The following SPATA6 variants were observed in gnomAD, a reference collection of about 807,000 sequenced individuals.
The protein encoded by SPATA6 is spermatogenesis-associated protein 6.
SPATA6 carries 56 observed loss-of-function variants against 65.3 expected under a neutral mutation model. The observed-to-expected ratio is 0.86, with a 90% confidence interval of 0.69 to 1.07. SPATA6 has a LOEUF of 1.07. Among genes scored for constraint, SPATA6 ranks in the 50% least tolerant of loss-of-function variants. The pLI is 0.00. For synonymous variants in SPATA6, 199 were observed against 213.2 expected (o/e 0.93, Z 0.58); for missense variants, 590 against 594.8 (o/e 0.99, Z 0.08).
Position 48,397,633 on chromosome 1 carries a change from G to A in SPATA6, c.780+1718C>T, listed in dbSNP as rs570028110. On this transcript the variant is annotated intron_variant, in intron 7 of 12. Transcript: ENST00000371847. ...TACATTTTGCATATGCATGTATTAA[G>A]TTAAAACTGTGTTTGGTTACCTATT... Among the ~76,000 whole-genome samples, 15 of 151,722 alleles carry A rather than the reference G, an allele frequency of 9.9e-5. No individual in the cohort carries two copies. In the South Asian group the frequency reaches 1.7e-3, roughly 17 times the overall value.
chr1:48,371,471 T>C (rs1647279957), intron 9 of SPATA6, among the ~76,000 whole-genome samples: 1 of 152,222 alleles, frequency 6.6e-6, no homozygotes, highest in Admixed American at 6.5e-5. Context: ...GAATACACAC[T>C]ACATTAGTCT....
At chr1:48,364,363 T>G (rs920697850) in intron 9 of SPATA6, among the ~76,000 whole-genome samples, 3 of 152,228 alleles carry the variant, frequency 2.0e-5, no homozygotes, top group African/African-American at 7.2e-5. Context: ...TCTAGATCCC[T>G]GAGGAATCGC....
rs557301304 is a variant in SPATA6 at position 48,330,010 on chromosome 1, G to C, written c.1195-24132C>G. ...AAGCCTTGGGCCCTGGAGCAGACCA[G>C]CACCAGTACCACAAACCCAATAGAG... On this transcript the variant is annotated intron_variant, in intron 11 of 12. Coordinates refer to ENST00000371847, the MANE Select transcript of SPATA6 (RefSeq NM_019073.4). Among the ~76,000 whole-genome samples the C allele has an allele frequency of 7.9e-4, 121 of 152,358 alleles. 1 individual carries two copies. Among genetic ancestry groups the C allele is most frequent in the African/African-American group, 2.8e-3 (118 of 41,572 alleles).
the SPATA6 span, among the ~76,000 whole-genome samples, chr1:48,277,617 A>G: frequency 6.6e-6 from 1 of 152,236 alleles, no homozygotes; most frequent in Non-Finnish European, 1.5e-5. Flanking sequence ...GGTGGCAGCC[A>G]GGCTGGGGGA....
intron 3 of SPATA6, 39 bp from the exon 4 acceptor site, chr1:48,413,190 T>A: frequency 8.1e-7 from 1 of 1,229,210 alleles, no homozygotes. Flanking sequence ...ATAAACAAAT[T>A]AATAACAAAA....
chr1:48,282,506 C>G, the SPATA6 span, among the ~76,000 whole-genome samples: 1 of 152,070 alleles, frequency 6.6e-6, no homozygotes. Flanking sequence ...ACAAACAACC[C>G]CATCAAAAAT....
intron 11 of SPATA6, among the ~76,000 whole-genome samples, chr1:48,354,397 T>C (rs1427728740): frequency 2.6e-5 from 4 of 152,040 alleles, no homozygotes; most frequent in African/African-American, 9.7e-5. Context: ...CATACCCAAA[T>C]AAAATGTATG....
At chr1:48,285,904 C>G in the SPATA6 span, among the ~76,000 whole-genome samples, 3 of 152,288 alleles carry the variant, frequency 2.0e-5, no homozygotes, top group East Asian at 3.9e-4. Flanking sequence ...CAGCCACCCC[C>G]CAACATCTTT....
rs376754470 is a variant in SPATA6 at position 48,377,270 on chromosome 1, A to G, written c.909+8039T>C. ...TTCATTTGCTCCCATTGTACTTAGGATAATTACCAAAATCTCCAATATGTC... is the reference window on the plus strand; with the variant it reads ...TTCATTTGCTCCCATTGTACTTAGGGTAATTACCAAAATCTCCAATATGTC... On this transcript the variant is annotated intron_variant, in intron 9 of 12. Coordinates refer to ENST00000371847, the MANE Select transcript of SPATA6 (RefSeq NM_019073.4). 3.3e-5 allele frequency among the ~76,000 whole-genome samples: 5 copies of G among 152,228 alleles called. No individual in the cohort carries two copies. The South Asian group carries it at 6.2e-4, about 19-fold the overall frequency.
the SPATA6 span, among the ~76,000 whole-genome samples, chr1:48,287,371 A>G: frequency 6.6e-6 from 1 of 152,216 alleles, no homozygotes; most frequent in Non-Finnish European, 1.5e-5. Context: ...ACATTTCAAT[A>G]TGAGATTTGT....
At chr1:48,319,591 T>C (rs1252967228) in intron 11 of SPATA6, among the ~76,000 whole-genome samples, 1 of 152,160 alleles carries the variant, frequency 6.6e-6, no homozygotes, top group Non-Finnish European at 1.5e-5. Flanking sequence ...CAAGCAGGAC[T>C]GGCGCAGAGC....
intron 8 of SPATA6, among the ~76,000 whole-genome samples, chr1:48,389,837 C>G (rs763188112): frequency 6.6e-6 from 1 of 151,860 alleles, no homozygotes; most frequent in African/African-American, 2.4e-5. Flanking sequence ...TGAAAACACA[C>G]GAAAATACAA....
At chr1:48,429,704 A>G (rs1654225643) in intron 3 of SPATA6, among the ~76,000 whole-genome samples, 1 of 152,154 alleles carries the variant, frequency 6.6e-6, no homozygotes, top group Non-Finnish European at 1.5e-5. Flanking sequence ...CTTTAAAATC[A>G]CTGTCAAAGA....
intron 3 of SPATA6, among the ~76,000 whole-genome samples, chr1:48,431,439 CCAAA>C (rs1220468404): frequency 4.6e-5 from 7 of 152,016 alleles, no homozygotes; most frequent in African/African-American, 1.7e-4. Context: ...CAGATATTTA[CCAAA>C]CACTCTACCC....
intron 2 of SPATA6, 46 bp from the exon 3 acceptor site, chr1:48,451,646 T>A (rs376649813): frequency 7.0e-5 from 110 of 1,563,638 alleles, no homozygotes; most frequent in African/African-American, 2.6e-4. Flanking sequence ...AGATATATAT[T>A]TTTTTTCTCC....
At chr1:48,363,979 G>C (rs1374595133) in intron 9 of SPATA6, among the ~76,000 whole-genome samples, 2 of 151,772 alleles carry the variant, frequency 1.3e-5, no homozygotes, top group Non-Finnish European at 1.5e-5. Flanking sequence ...AGTCCCCAGA[G>C]TGTGATGTTC....
intron 11 of SPATA6, chr1:48,325,836 C>A: frequency 2.4e-6 from 1 of 421,428 alleles, no homozygotes; most frequent in South Asian, 2.3e-5. Context: ...TGAATGTGAC[C>A]AAGAAAGTGC....
In SPATA6 at chr1:48,336,678, G is replaced by C. The variant is rs138468692; in HGVS notation, c.1194+18992C>G. On this transcript the variant is annotated intron_variant, in intron 11 of 12. Transcript: ENST00000371847. The stretch of plus-strand genomic sequence containing the variant: ...GAAGTTCAAGAAAAAAAAAAGTCAA[G>C]TACTACGCTTGGTACCCCAGTGAGG... 4.6e-3 allele frequency among the ~76,000 whole-genome samples: 692 copies of C among 151,756 alleles called. 4 individuals are homozygous for C. Among genetic ancestry groups the C allele is most frequent in the African/African-American group, 0.015 (618 of 41,434 alleles).
intron 5 of SPATA6, among the ~76,000 whole-genome samples, chr1:48,404,111 T>C (rs1409422252): frequency 1.3e-5 from 2 of 152,156 alleles, no homozygotes; most frequent in African/African-American, 4.8e-5. Context: ...TTTTATAAAA[T>C]AATTAGTCTA....
Sources: allele counts gnomAD v4.1 joint callset (sites outside exome capture counted in the v4.1 genomes callset), GRCh38; gene constraint gnomAD v4.1.1; transcripts MANE v1.5; gene names NCBI Gene and HGNC (gene_info 2026-07-23, HGNC 2026-07-21).